CNR2: variants seen among roughly 807,000 people sequenced by gnomAD.
The protein encoded by CNR2 is cannabinoid receptor 2.
For synonymous variants in CNR2, 172 were observed against 182.2 expected, an observed-to-expected ratio of 0.94 and a Z score of 0.45; for missense variants, 379 against 439.9, an observed-to-expected ratio of 0.86 and a Z score of 1.24.
At chr1:23,884,089 G>GTTTTTGT (rs1553140649) in intron 1 of CNR2, among the ~76,000 whole-genome samples, 5 of 150,704 alleles carry the variant, frequency 3.3e-5, no homozygotes, top group Admixed American at 6.6e-5. Context: ...TTTTGTTTTT[G>GTTTTTGT]TTTTTTTTGA....
intron 1 of CNR2, among the ~76,000 whole-genome samples, chr1:23,892,960 G>A (rs899802518): frequency 3.3e-5 from 5 of 152,160 alleles, no homozygotes; most frequent in African/African-American, 4.8e-5. Context: ...AGGTTGCAGC[G>A]AGCAGAGATC....
At chr1:23,883,680 C>A (rs1340823307) in intron 1 of CNR2, among the ~76,000 whole-genome samples, 2 of 152,198 alleles carry the variant, frequency 1.3e-5, no homozygotes, top group South Asian at 2.1e-4. Flanking sequence ...AAAAAATTAG[C>A]CAGGCATGGT....
At chr1:23,903,139 C>T (rs1313596325) in intron 1 of CNR2, among the ~76,000 whole-genome samples, 3 of 152,278 alleles carry the variant, frequency 2.0e-5, no homozygotes, top group African/African-American at 7.2e-5. Context: ...CTACCACCCC[C>T]GCCCCTGCGA....
intron 1 of CNR2, among the ~76,000 whole-genome samples, chr1:23,887,898 A>G (rs1384751169): frequency 1.3e-5 from 2 of 152,114 alleles, no homozygotes; most frequent in African/African-American, 2.4e-5. Context: ...AACATTAACC[A>G]TATCTACCCT....
chr1:23,906,399 G>A (rs1366216548), intron 1 of CNR2, among the ~76,000 whole-genome samples: 2 of 151,876 alleles, frequency 1.3e-5, no homozygotes, highest in African/African-American at 4.8e-5. Flanking sequence ...AACCCCAGTG[G>A]AAACTACTCG....
chr1:23,889,367 C>T (rs1640147711), intron 1 of CNR2, among the ~76,000 whole-genome samples: 1 of 152,192 alleles, frequency 6.6e-6, no homozygotes, highest in South Asian at 2.1e-4. Context: ...TTTGATGCCA[C>T]AAGCCTCACC....
chr1:23,898,629 C>T (rs1478286505), intron 1 of CNR2, among the ~76,000 whole-genome samples: 5 of 140,948 alleles, frequency 3.5e-5, no homozygotes, highest in African/African-American at 7.9e-5. Context: ...CTTGAGCCAC[C>T]ACGCCTGGCC....
chr1:23,902,883 C>T (rs1640426169), intron 1 of CNR2: 3 of 1,155,394 alleles, frequency 2.6e-6, no homozygotes, highest in Non-Finnish European at 3.2e-6. Flanking sequence ...ACCGCGGCCG[C>T]GGCGCTGGCG....
At chr1:23,876,466 G>A (rs1055899703) in intron 1 of CNR2, among the ~76,000 whole-genome samples, 2 of 151,738 alleles carry the variant, frequency 1.3e-5, no homozygotes, top group Non-Finnish European at 2.9e-5. Context: ...GCCTCCTAAA[G>A]TGCTGGAATT....
intron 1 of CNR2, chr1:23,902,054 TG>T: frequency 6.4e-7 from 1 of 1,567,948 alleles, no homozygotes. Context: ...GCAGCGCCGT[TG>T]GCAAACTCCT....
chr1:23,883,327 A>G (rs140071363), intron 1 of CNR2, among the ~76,000 whole-genome samples: 19 of 152,344 alleles, frequency 1.2e-4, no homozygotes, highest in Middle Eastern at 3.4e-3. Flanking sequence ...CGATACATCA[A>G]TTGCAGTCCC....
chr1:23,912,957 G>A (rs1640611338), intron 1 of CNR2, among the ~76,000 whole-genome samples: 4 of 152,090 alleles, frequency 2.6e-5, no homozygotes, highest in Non-Finnish European at 4.4e-5. Context: ...ACCTGAAGTC[G>A]GGAGTTCGAG....
chr1:23,887,492 G>A (rs1012876900), intron 1 of CNR2, among the ~76,000 whole-genome samples: 1 of 152,194 alleles, frequency 6.6e-6, no homozygotes, highest in African/African-American at 2.4e-5. Context: ...CAACATGTGT[G>A]GTTATTATCC....
chr1:23,887,382 G>T, intron 1 of CNR2, among the ~76,000 whole-genome samples: 1 of 152,190 alleles, frequency 6.6e-6, no homozygotes, highest in Non-Finnish European at 1.5e-5. Flanking sequence ...ACCCCTTCCA[G>T]TCAGGAAATG....
chr1:23,901,523 T>A, intron 1 of CNR2: 1 of 1,603,524 alleles, frequency 6.2e-7, no homozygotes, highest in African/African-American at 1.3e-5. Context: ...CCCAGTCCCG[T>A]TGGTGCTGTC....
chr1:23,883,013 G>C (rs1373176935), intron 1 of CNR2, among the ~76,000 whole-genome samples: 1 of 152,040 alleles, frequency 6.6e-6, no homozygotes, highest in Non-Finnish European at 1.5e-5. Context: ...GTCAAAGCTG[G>C]CTGTTTGAAA....
chr1:23,912,364 G>A (rs1009319160), intron 1 of CNR2, among the ~76,000 whole-genome samples: 13 of 152,152 alleles, frequency 8.5e-5, no homozygotes, highest in Admixed American at 1.3e-4. Flanking sequence ...AAATGAGAGC[G>A]CAGGACTCAC....
At chr1:23,893,090 G>T (rs1640216259) in intron 1 of CNR2, among the ~76,000 whole-genome samples, 1 of 152,190 alleles carries the variant, frequency 6.6e-6, no homozygotes, top group Non-Finnish European at 1.5e-5. Flanking sequence ...TCTATCTATA[G>T]TCCCTTTCTC....
rs764457545 is a variant in CNR2, at chr1:23,875,420, C to T, written c.198G>A (p.Arg66=). 1 of 1,614,120 alleles carries T rather than the reference C, an allele frequency of 6.2e-7. No individual in the cohort carries two copies. The highest frequency in any genetic ancestry group is 8.5e-7 in the Non-Finnish European group (1 of 1,180,044). The stretch of plus-strand genomic sequence containing the variant: ...TGCCAATGAACAGGTATGAGGGCTT[C>T]CGGCGGAGTTGGTGGGAGGACAGGA... ...YLILSSHQLR[R]KPSYLFIGSL... The change falls in exon 2 of 2, where the codon CGG becomes CGA. Residue 66 remains arginine (R), a synonymous_variant. Transcript: ENST00000374472.
Sources: allele counts gnomAD v4.1 joint callset (sites outside exome capture counted in the v4.1 genomes callset), GRCh38; gene constraint gnomAD v4.1.1; transcripts MANE v1.5; gene names NCBI Gene and HGNC (gene_info 2026-07-23, HGNC 2026-07-21).